The following PTPN14 variants were observed in gnomAD, a reference collection of about 807,000 sequenced individuals.
The protein encoded by PTPN14 is protein tyrosine phosphatase non-receptor type 14, also known as tyrosine-protein phosphatase non-receptor type 14.
In PTPN14, 53 loss-of-function variants were observed where a neutral mutation model predicts 126.8. The observed-to-expected ratio is 0.42, with a 90% CI of 0.34 to 0.53. PTPN14 has a LOEUF of 0.53. PTPN14 is among the 20% of genes least tolerant of loss of function. The pLI is 0.08. For synonymous variants in PTPN14, 630 were observed against 599.3 expected (o/e 1.05, Z -0.75); for missense variants, 1,257 against 1,552.9 (o/e 0.81, Z 3.20).
chr1:214,455,485 G>A (rs1277844253), intron 2 of PTPN14, among the ~76,000 whole-genome samples: 1 of 152,080 alleles, frequency 6.6e-6, no homozygotes, highest in Non-Finnish European at 1.5e-5. Context: ...CCTCCTCTGG[G>A]TGAGGTATGA....
At chr1:214,490,458 T>C (rs1661203707) in intron 1 of PTPN14, among the ~76,000 whole-genome samples, 1 of 152,202 alleles carries the variant, frequency 6.6e-6, no homozygotes, top group Non-Finnish European at 1.5e-5. Flanking sequence ...CATCTTTGGC[T>C]ATAAATAGGA....
At position 214,355,583 on chromosome 1, in the gene PTPN14, A is replaced by C. The variant is rs1657799427; in HGVS notation, c.*2339T>G. The C allele has an allele frequency of 6.6e-6, 1 of 152,214 alleles. No homozygotes were observed. The highest frequency in any genetic ancestry group is 2.4e-5 in the African/African-American group (1 of 41,454). 9.4% of individuals were successfully genotyped at this position (152,214 alleles called of 1,614,324 possible). A position where few individuals can be genotyped will look rare whatever the true frequency, so the allele number is the denominator to read the frequency against. The stretch of plus-strand genomic sequence containing the variant: ...TACAACAAAACTCCAGAATCTACAA[A>C]GATCAGCAGATTATACTCCTTCACT... On this transcript the variant is annotated 3_prime_UTR_variant, in exon 19 of 19. Transcript: ENST00000366956.
intron 1 of PTPN14, among the ~76,000 whole-genome samples, chr1:214,492,877 A>G (rs1301397429): frequency 6.6e-6 from 1 of 151,890 alleles, no homozygotes; most frequent in Admixed American, 6.6e-5. Flanking sequence ...CAGCCCGGGC[A>G]AGAGAACAAG....
At chr1:214,474,649 A>T (rs2102666956) in intron 1 of PTPN14, among the ~76,000 whole-genome samples, 1 of 152,320 alleles carries the variant, frequency 6.6e-6, no homozygotes, top group Non-Finnish European at 1.5e-5. Context: ...GGTGGTTAAA[A>T]AGCCTCCATA....
At chr1:214,475,436 T>C (rs1660847072) in intron 1 of PTPN14, among the ~76,000 whole-genome samples, 1 of 152,232 alleles carries the variant, frequency 6.6e-6, no homozygotes, top group South Asian at 2.1e-4. Flanking sequence ...CTGGTCCAGC[T>C]TGCATAATCA....
Position 214,384,882 on chromosome 1 carries a change from C to A in PTPN14, c.1067-94G>T. 1 of 1,446,276 alleles carries A rather than the reference C, an allele frequency of 6.9e-7. No homozygotes were observed. The highest frequency in any genetic ancestry group is 9.3e-7 in the Non-Finnish European group (1 of 1,076,410). 89.6% of individuals were successfully genotyped at this position (1,446,276 alleles called of 1,614,324 possible). ...CTCATGAGGTGACTTTTAATTTAAA[C>A]AAATCATAAAAAGTGAAATCCCATG... On this transcript the variant is annotated intron_variant, in intron 12 of 18. Coordinates refer to ENST00000366956, the MANE Select transcript of PTPN14 (RefSeq NM_005401.5). This position sits in a 1 kb window ranked among gnomAD's most constrained non-coding sequence, Gnocchi z 5.3.
At chr1:214,529,337 G>A (rs1008605747) in intron 1 of PTPN14, 2 of 152,022 alleles carry the variant, frequency 1.3e-5, no homozygotes, top group Non-Finnish European at 2.9e-5. Context: ...AAAAAGTCAA[G>A]AAGATGGGTC....
intron 15 of PTPN14, among the ~76,000 whole-genome samples, chr1:214,375,633 A>C (rs1430694411): frequency 6.6e-6 from 1 of 152,238 alleles, no homozygotes. Flanking sequence ...GAAGTATTTG[A>C]AATAACAACA....
intron 1 of PTPN14, chr1:214,533,152 G>A: frequency 2.6e-6 from 2 of 755,786 alleles, no homozygotes; most frequent in Non-Finnish European, 4.6e-6. Flanking sequence ...CAGCCTGAGG[G>A]AGGTGGAGGT....
intron 1 of PTPN14, among the ~76,000 whole-genome samples, chr1:214,511,940 C>T (rs1053616516): frequency 1.3e-5 from 2 of 151,994 alleles, no homozygotes; most frequent in African/African-American, 4.8e-5. Context: ...TGGCATCCAT[C>T]ACAGGGCCAG....
intron 15 of PTPN14, among the ~76,000 whole-genome samples, chr1:214,373,293 A>T (rs1329501867): frequency 6.6e-6 from 1 of 152,084 alleles, no homozygotes; most frequent in Non-Finnish European, 1.5e-5. Context: ...ACTTCAGGTG[A>T]TACGCCCATC....
chr1:214,450,140 ATAAAT>A (rs535329815), intron 3 of PTPN14, among the ~76,000 whole-genome samples: 2,223 of 141,060 alleles, frequency 0.016, 25 homozygotes, highest in Non-Finnish European at 0.024. Flanking sequence ...CTCAAAATAA[ATAAAT>A]AAATAAATAA....
chr1:214,420,177 A>G (rs1659513305), intron 3 of PTPN14, among the ~76,000 whole-genome samples: 1 of 152,230 alleles, frequency 6.6e-6, no homozygotes, highest in Non-Finnish European at 1.5e-5. Context: ...ACAAACAAAC[A>G]AAAGGAAAAG....
intron 4 of PTPN14, 118 bp from the exon 5 acceptor site, chr1:214,411,869 T>C (rs1659317480): frequency 7.3e-6 from 4 of 546,374 alleles, no homozygotes; most frequent in African/African-American, 2.0e-5. Context: ...CTCACTATTA[T>C]TAAATAAAAA....
At chr1:214,424,158 T>C (rs1659606853) in intron 3 of PTPN14, among the ~76,000 whole-genome samples, 1 of 151,732 alleles carries the variant, frequency 6.6e-6, no homozygotes, top group African/African-American at 2.4e-5. Flanking sequence ...TAGCTGGGTG[T>C]GGTGGCGGGC....
intron 1 of PTPN14, among the ~76,000 whole-genome samples, chr1:214,550,239 A>T (rs1463463342): frequency 6.6e-6 from 1 of 152,192 alleles, no homozygotes. Flanking sequence ...TTGTTGGATG[A>T]ATGAGTAAAC....
rs746926991 is a variant in PTPN14 at position 214,480,314 on chromosome 1, T to A, written c.-154-15357A>T. ...TTCACTTATAAGATGACTGAAACAATATGTTTTCTTAACCACTTCCATAAA... is the reference window on the plus strand; with the variant it reads ...TTCACTTATAAGATGACTGAAACAAAATGTTTTCTTAACCACTTCCATAAA... On this transcript the variant is annotated intron_variant, in intron 1 of 18. Coordinates refer to ENST00000366956, the MANE Select transcript of PTPN14 (RefSeq NM_005401.5). Among the ~76,000 whole-genome samples the A allele has an allele frequency of 3.9e-5, 6 of 152,250 alleles. No individual in the cohort carries two copies. In the South Asian group the frequency reaches 1.2e-3, roughly 31 times the overall value.
intron 3 of PTPN14, among the ~76,000 whole-genome samples, chr1:214,418,016 T>C (rs56315837): frequency 4.9e-4 from 74 of 152,318 alleles, no homozygotes; most frequent in Non-Finnish European, 9.7e-4. Flanking sequence ...GTTCCAAATG[T>C]CTGCTGCCTT....
intron 5 of PTPN14, among the ~76,000 whole-genome samples, chr1:214,408,973 T>C (rs1659233717): frequency 6.6e-6 from 1 of 152,198 alleles, no homozygotes; most frequent in East Asian, 1.9e-4. Context: ...ACTTTAATTC[T>C]ATTGACAAAT....
Sources: allele counts gnomAD v4.1 joint callset (sites outside exome capture counted in the v4.1 genomes callset), GRCh38; gene constraint gnomAD v4.1.1; non-coding constraint Gnocchi (gnomAD v3.1); transcripts MANE v1.5; gene names NCBI Gene and HGNC (gene_info 2026-07-23, HGNC 2026-07-21).